The following RBMS1 variants were observed in gnomAD, a reference collection of about 807,000 sequenced individuals.
The protein encoded by RBMS1 is RNA binding motif single stranded interacting protein 1.
Under a neutral mutation model 62.3 loss-of-function variants are expected in RBMS1, and 17 were observed. The observed-to-expected ratio is 0.27, with a 90% CI of 0.19 to 0.41. The LOEUF is 0.41. Ranked by LOEUF, RBMS1 falls within the 10% of genes least tolerant of loss-of-function variation. The probability of loss-of-function intolerance (pLI) is 1.00; values close to 1 mark genes in which losing one functional copy is unlikely to be tolerated. For missense variants in RBMS1, 334 were observed against 504.5 expected (o/e 0.66, Z 3.24); for synonymous variants, 172 against 170.0 (o/e 1.01, Z -0.09).
At chr2:160,312,753 C>T (rs796913052) in intron 4 of RBMS1, among the ~76,000 whole-genome samples, 104 of 151,242 alleles carry the variant, frequency 6.9e-4, no homozygotes, top group African/African-American at 2.4e-3. Context: ...ATGCTATATG[C>T]TATACATAAT....
At chr2:160,424,419 T>G (rs142880815) in intron 1 of RBMS1, among the ~76,000 whole-genome samples, 3 of 151,824 alleles carry the variant, frequency 2.0e-5, no homozygotes, top group African/African-American at 4.8e-5. Flanking sequence ...GCACTCTTAC[T>G]GTCTGTTTTG....
At chr2:160,303,304 T>G (rs772624499) in intron 5 of RBMS1, 26 bp downstream of exon 5, 24 of 1,558,760 alleles carry the variant, frequency 1.5e-5, no homozygotes, top group Admixed American at 4.1e-5. Flanking sequence ...GTTGTTGACA[T>G]AATAAAGACT....
chr2:160,409,385 A>G (rs1380637489), intron 1 of RBMS1, among the ~76,000 whole-genome samples: 1 of 152,198 alleles, frequency 6.6e-6, no homozygotes, highest in Admixed American at 6.5e-5. Flanking sequence ...CTGTCCTTTA[A>G]AGTGATTAAG....
At chr2:160,460,474 C>T (rs537122185) in intron 1 of RBMS1, among the ~76,000 whole-genome samples, 3 of 152,322 alleles carry the variant, frequency 2.0e-5, no homozygotes, top group East Asian at 1.9e-4. Context: ...AGCAGTCTCA[C>T]GTAAGGTCAC....
chr2:160,294,999 C>A (rs1559335651), intron 6 of RBMS1, among the ~76,000 whole-genome samples: 1 of 148,794 alleles, frequency 6.7e-6, no homozygotes, highest in African/African-American at 2.5e-5. Context: ...CAAAAGAATT[C>A]TGAAGTCACC....
chr2:160,287,111 A>C (rs752276434), intron 6 of RBMS1, 27 bp from the exon 7 acceptor site: 1 of 1,612,618 alleles, frequency 6.2e-7, no homozygotes, highest in South Asian at 1.1e-5. Context: ...AAATAAAATG[A>C]AACCACAATG....
intron 1 of RBMS1, among the ~76,000 whole-genome samples, chr2:160,398,891 A>G (rs1695292409): frequency 6.6e-6 from 1 of 152,142 alleles, no homozygotes; most frequent in Non-Finnish European, 1.5e-5. Flanking sequence ...TCTACACAAT[A>G]TCTTGAATCC....
At chr2:160,354,936 T>C (rs1024274679) in intron 2 of RBMS1, among the ~76,000 whole-genome samples, 5 of 152,140 alleles carry the variant, frequency 3.3e-5, no homozygotes, top group Non-Finnish European at 7.4e-5. Context: ...GTCTACTTTC[T>C]CGCTAATTCT....
At chr2:160,380,452 A>G (rs982388038) in intron 1 of RBMS1, among the ~76,000 whole-genome samples, 1 of 152,246 alleles carries the variant, frequency 6.6e-6, no homozygotes, top group African/African-American at 2.4e-5. Flanking sequence ...AAGTAAACAG[A>G]AAAAAGCAGT....
At chr2:160,311,875 T>C (rs1002598244) in intron 4 of RBMS1, among the ~76,000 whole-genome samples, 5 of 152,204 alleles carry the variant, frequency 3.3e-5, no homozygotes, top group Admixed American at 6.5e-5. Flanking sequence ...AGTCAGTAGG[T>C]ATTATGATGT....
intron 1 of RBMS1, among the ~76,000 whole-genome samples, chr2:160,447,926 AATCC>A (rs1212829614): frequency 6.6e-6 from 1 of 152,194 alleles, no homozygotes; most frequent in East Asian, 1.9e-4. Context: ...CTCATCACTG[AATCC>A]TTAGCACTCA....
chr2:160,441,382 A>C (rs893795159), intron 1 of RBMS1, among the ~76,000 whole-genome samples: 1 of 152,194 alleles, frequency 6.6e-6, no homozygotes, highest in Non-Finnish European at 1.5e-5. Context: ...TAAATACCTA[A>C]GGGTGGTATT....
intron 4 of RBMS1, among the ~76,000 whole-genome samples, chr2:160,307,901 C>A (rs1033772646): frequency 3.9e-5 from 6 of 152,066 alleles, no homozygotes; most frequent in Non-Finnish European, 7.4e-5. Flanking sequence ...TTGTGGGGTT[C>A]TTTTTCAACT....
chr2:160,399,930 T>C (rs1574003619), intron 1 of RBMS1, among the ~76,000 whole-genome samples: 1 of 152,160 alleles, frequency 6.6e-6, no homozygotes, highest in Non-Finnish European at 1.5e-5. Context: ...ACCAAAACAA[T>C]GAGACTGGAA....
intron 1 of RBMS1, among the ~76,000 whole-genome samples, chr2:160,448,756 T>C (rs112009238): frequency 1.4e-5 from 2 of 142,196 alleles, no homozygotes; most frequent in African/African-American, 2.6e-5. Context: ...TGGCCGCCCA[T>C]CGTCTGGGAT....
chr2:160,470,624 C>G (rs1434577695), intron 1 of RBMS1, among the ~76,000 whole-genome samples: 1 of 141,724 alleles, frequency 7.1e-6, no homozygotes. Context: ...CTTTCCTGGA[C>G]AGAAATTAGG....
intron 9 of RBMS1, 145 bp downstream of exon 9, chr2:160,284,630 C>T: frequency 1.5e-6 from 1 of 677,992 alleles, no homozygotes; most frequent in Non-Finnish European, 2.6e-6. Context: ...AAATACAAAG[C>T]AGCTCATACT....
At chr2:160,492,064 G>A (rs1022209081) in intron 1 of RBMS1, among the ~76,000 whole-genome samples, 2 of 152,178 alleles carry the variant, frequency 1.3e-5, no homozygotes, top group African/African-American at 4.8e-5. Flanking sequence ...TTCTAAGAAA[G>A]AAAAGGCTGA....
intron 1 of RBMS1, among the ~76,000 whole-genome samples, chr2:160,442,162 G>T (rs975021080): frequency 6.6e-6 from 1 of 152,112 alleles, no homozygotes; most frequent in Non-Finnish European, 1.5e-5. Context: ...GATAATGTCC[G>T]ATTTATCAAT....
Sources: allele counts gnomAD v4.1 joint callset (sites outside exome capture counted in the v4.1 genomes callset), GRCh38; gene constraint gnomAD v4.1.1; transcripts MANE v1.5; gene names NCBI Gene and HGNC (gene_info 2026-07-23, HGNC 2026-07-21).